PRX: variants seen among roughly 807,000 people sequenced by gnomAD.
The protein encoded by PRX is periaxin.
PRX carries 24 observed loss-of-function variants against 29.6 expected under a neutral mutation model. The ratio of observed to expected loss-of-function variants is 0.81; its 90% CI spans 0.59 to 1.14. The LOEUF (loss-of-function observed/expected upper bound fraction) is 1.14, where lower values mean the gene tolerates loss of function less well. Among genes scored for constraint, PRX ranks in the 50% most tolerant of loss-of-function variants. The probability of loss-of-function intolerance (pLI) is 0.00; values close to 1 mark genes in which losing one functional copy is unlikely to be tolerated. For synonymous variants in PRX, 772 were observed against 831.7 expected, an observed-to-expected ratio of 0.93 and a Z score of 1.24; for missense variants, 1,838 against 1,926.4, an observed-to-expected ratio of 0.95 and a Z score of 0.86.
rs969093458 is a variant in PRX, at chr19:40,398,084, T to C, written c.382-114A>G. On this transcript the variant is annotated intron_variant, in intron 6 of 6. Transcript: ENST00000324001. This position sits in a 1 kb window ranked among gnomAD's most constrained non-coding sequence, Gnocchi z 6.3. ...GGGGGATGTGCTGGGTCAAGTATCT[T>C]GTTCCCCAAACATCATCCCCACTTC... The C allele has an allele frequency of 1.0e-5, 15 of 1,456,426 alleles. No homozygotes were observed. The highest frequency in any genetic ancestry group is 8.6e-5 in the African/African-American group (6 of 69,938). 90.2% of individuals were successfully genotyped at this position (1,456,426 alleles called of 1,614,324 possible).
intron 4 of PRX, chr19:40,407,392 T>G (rs1156774392): frequency 5.8e-6 from 1 of 172,584 alleles, no homozygotes; most frequent in African/African-American, 2.4e-5. Flanking sequence ...AACCTCAACC[T>G]CCTGGGTTCA....
At chr19:40,413,968 G>A (rs907935522), upstream of PRX, among the ~76,000 whole-genome samples, 3 of 152,180 alleles carry the variant, frequency 2.0e-5, no homozygotes, top group Admixed American at 1.3e-4. Flanking sequence ...TTGCTGGGGG[G>A]TTTTGGCCCC....
chr19:40,397,458 A>G lies in PRX; in HGVS notation c.894T>C (p.Pro298=). The G allele has an allele frequency of 6.3e-7, 1 of 1,584,420 alleles. No homozygotes were observed. The highest frequency in any genetic ancestry group is 1.7e-4 in the Middle Eastern group (1 of 6,008). ...GCAGAGTGGGCAGTGAGGGCAAGGCAGGCAGCTCCACCTGGGGGACCTGGA... is the reference window on the plus strand; with the variant it reads ...GCAGAGTGGGCAGTGAGGGCAAGGCGGGCAGCTCCACCTGGGGGACCTGGA... ...VGIQVPQVEL[P]ALPSLPTLPT... The change falls in exon 7 of 7, where the codon CCT becomes CCC. Residue 298 remains proline, a synonymous_variant. Coordinates refer to ENST00000324001, the MANE Select transcript of PRX (RefSeq NM_181882.3).
At position 40,398,665 on chromosome 19, in the gene PRX, C is replaced by T. The variant is rs369268369; in HGVS notation, c.336G>A (p.Val112=). The T allele has an allele frequency of 2.0e-5, 32 of 1,613,830 alleles. No individual in the cohort carries two copies. The highest frequency in any genetic ancestry group is 2.7e-5 in the African/African-American group (2 of 74,932). Residue 112 remains valine (V), a synonymous_variant, in exon 6 of 7, where the codon GTG becomes GTA. Transcript: ENST00000324001. The surrounding 1 kb of genome is among the most constrained non-coding windows in gnomAD (Gnocchi z 6.3). ...TGDLALRPGT[V]SGYEIKGPRA... ...GCGGGCCCTTGATCTCGTAGCCAGA[C>T]ACGGTCCCGGGCCGCAGAGCCAGGT...
At position 40,396,091 on chromosome 19, in the gene PRX, C is replaced by T. The variant is rs760071236; in HGVS notation, c.2261G>A (p.Arg754Gln). Residue 754 changes from arginine to glutamine, a missense_variant, in exon 7 of 7, where the codon CGG (arginine) becomes CAG (glutamine). Physicochemically the swap from Arg to Gln is conservative, Grantham distance 43 (BLOSUM62 1). This residue lies in a region of PRX where 1,143 missense variants were observed against 1,193.0 expected (regional missense o/e 0.96). Coordinates refer to ENST00000324001, the MANE Select transcript of PRX (RefSeq NM_181882.3). ...EVQLPKVSEI[R>Q]LPEMQVPKVP... The stretch of plus-strand genomic sequence containing the variant: ...CTTCGGCACTTGCATTTCCGGCAGC[C>T]GAATCTCTGACACTTTCGGCAGCTG... 50 of 1,614,028 alleles carry T rather than the reference C, an allele frequency of 3.1e-5. No homozygotes were observed. Among genetic ancestry groups the T allele is most frequent in the African/African-American group, 6.7e-5 (5 of 74,910 alleles).
chr19:40,403,587 T>TC lies in PRX; in HGVS notation c.184+118dup, dbSNP rs141109067. ...AGCCCCGCCCCAAGCCCTTAACCCC[T>TC]CCTGGTCGCCGGTCACGCCCCCATC... On this transcript the variant is annotated intron_variant, in intron 5 of 6. Coordinates refer to ENST00000324001, the MANE Select transcript of PRX (RefSeq NM_181882.3). 0.027 allele frequency: 34,129 copies of TC among 1,286,274 alleles called. 893 individuals carry two copies. The highest frequency in any genetic ancestry group is 0.098 in the African/African-American group (6,553 of 67,068). 79.7% of individuals were successfully genotyped at this position (1,286,274 alleles called of 1,614,324 possible).
At position 40,394,208 on chromosome 19, in the gene PRX, C is replaced by A; in HGVS notation, c.4144G>T (p.Gly1382Cys). 1 of 1,597,988 alleles carries A rather than the reference C, an allele frequency of 6.3e-7. No individual in the cohort carries two copies. Among genetic ancestry groups the A allele is most frequent in the Non-Finnish European group, 8.6e-7 (1 of 1,169,432 alleles). Residue 1382 changes from glycine (G) to cysteine (C), a missense_variant, in exon 7 of 7, where the codon GGC becomes TGC. Gly to Cys is a radical substitution (Grantham distance 159, BLOSUM62 -3). This residue lies in a region of PRX where 1,143 missense variants were observed against 1,193.0 expected (regional missense o/e 0.96). Transcript: ENST00000324001. The surrounding 1 kb of genome is among the most constrained non-coding windows in gnomAD (Gnocchi z 5.8). ...GRVRVRLPRV[G>C]LAAPSKASRG... ...GAGGCTTTAGAAGGGGCCGCCAGGCCTACACGTGGCAAGCGGACCCGGACC... is the reference window on the plus strand; with the variant it reads ...GAGGCTTTAGAAGGGGCCGCCAGGCATACACGTGGCAAGCGGACCCGGACC...
chr19:40,410,387 T>G (rs539799203), intron 1 of PRX, among the ~76,000 whole-genome samples: 2 of 152,306 alleles, frequency 1.3e-5, no homozygotes, highest in African/African-American at 4.8e-5. Context: ...ACAATGGCCT[T>G]TCATAGCCCA....
chr19:40,404,260 G>A (rs1056381898), intron 4 of PRX, among the ~76,000 whole-genome samples: 16 of 152,164 alleles, frequency 1.1e-4, no homozygotes, highest in South Asian at 6.2e-4. Context: ...TCCGCGGGCC[G>A]GCTGGCCTCT....
Position 40,398,370 on chromosome 19 carries a change from C to T in PRX, c.381+250G>A. 7.0e-7 allele frequency: 1 copy of T among 1,437,252 alleles called. No individual in the cohort carries two copies. The allele number at this position is 1,437,252 out of a possible 1,614,324, so 89.0% of individuals were successfully genotyped here. A position where few individuals can be genotyped will look rare whatever the true frequency, so the allele number is the denominator to read the frequency against. ...GTTCGAAGTAGCCTGGTTCAGGACC[C>T]CTAGCAAGCCTGGATCCGATGGTGG... On this transcript the variant is annotated intron_variant, in intron 6 of 6. Coordinates refer to ENST00000324001, the MANE Select transcript of PRX (RefSeq NM_181882.3). The surrounding 1 kb of genome is among the most constrained non-coding windows in gnomAD (Gnocchi z 6.3).
chr19:40,397,488 C>T lies in PRX; in HGVS notation c.864G>A (p.Val288=). Residue 288 remains valine (V), a synonymous_variant, in exon 7 of 7, where the codon GTG becomes GTA. Transcript: ENST00000324001. ...GCTCCACCTGGGGGACCTGGATTCC[C>T]ACGGCTGGGGCCTCCACAGCAGGCG... The part of the protein sequence containing the change: ...PAPPAVEAPA[V]GIQVPQVELP... 1 of 1,562,148 alleles carries T rather than the reference C, an allele frequency of 6.4e-7. No homozygotes were observed. The highest frequency in any genetic ancestry group is 8.7e-7 in the Non-Finnish European group (1 of 1,155,644).
intron 4 of PRX, among the ~76,000 whole-genome samples, chr19:40,405,788 G>A (rs964833705): frequency 6.6e-5 from 10 of 151,504 alleles, no homozygotes; most frequent in South Asian, 6.3e-4. Flanking sequence ...ACAGGTGCAC[G>A]CCACCACGCC....
intron 5 of PRX, among the ~76,000 whole-genome samples, chr19:40,401,729 C>G (rs2079495131): frequency 6.6e-6 from 1 of 151,690 alleles, no homozygotes; most frequent in African/African-American, 2.4e-5. Context: ...TAGCTTGTTC[C>G]CTTACCTCCT....
At chr19:40,414,474 C>A (rs1293995164), upstream of PRX, among the ~76,000 whole-genome samples, 1 of 152,146 alleles carries the variant, frequency 6.6e-6, no homozygotes, top group Non-Finnish European at 1.5e-5. Context: ...TGAGGTCCAA[C>A]CCCTGTTCTC....
chr19:40,401,807 G>A lies in PRX; in HGVS notation c.184+1899C>T, dbSNP rs1000026621. 1.3e-4 allele frequency among the ~76,000 whole-genome samples: 17 copies of A among 134,768 alleles called. No homozygotes were observed. In the Admixed American group the frequency reaches 1.3e-3, roughly 10 times the overall value. 88.4% of individuals were successfully genotyped at this position (134,768 alleles called of 152,430 possible). A position where few individuals can be genotyped will look rare whatever the true frequency, so the allele number is the denominator to read the frequency against. ...TTTTTAGGCGGAGTTTTGCTCTTTC[G>A]CCCAGGCTGGAGTGAAGTGGCGCGA... On this transcript the variant is annotated intron_variant, in intron 5 of 6. Coordinates refer to ENST00000324001, the MANE Select transcript of PRX (RefSeq NM_181882.3).
At chr19:40,407,570 G>A (rs1184447521) in intron 4 of PRX, 4 of 460,114 alleles carry the variant, frequency 8.7e-6, no homozygotes, top group African/African-American at 7.9e-5. Context: ...CAAAGTGCTG[G>A]AATTCCAGGC....
chr19:40,403,966 T>C, intron 4 of PRX, 104 bp from the exon 5 acceptor site: 1 of 1,326,358 alleles, frequency 7.5e-7, no homozygotes, highest in Non-Finnish European at 1.0e-6. Context: ...TATGTTTATA[T>C]ATATTTAGAG....
chr19:40,396,574 A>T lies in PRX; in HGVS notation c.1778T>A (p.Met593Lys). Reference sequence around the variant, plus strand: ...AGGGAGTTTCATCTCAGGAAGTTTCATCTCAGGCACCTTTGGAAGCTTCAT... The same window carrying T: ...AGGGAGTTTCATCTCAGGAAGTTTCTTCTCAGGCACCTTTGGAAGCTTCAT... ...PEMKLPKVPEMKLPEMKLPEV... is the reference protein window; with the variant it reads ...PEMKLPKVPEKKLPEMKLPEV... Residue 593 changes from methionine to lysine, a missense_variant, in exon 7 of 7, where the codon ATG becomes AAG. By Grantham distance (95) the Met-to-Lys change is moderately conservative. Transcript: ENST00000324001. The T allele has an allele frequency of 6.2e-7, 1 of 1,612,570 alleles. No homozygotes were observed. The highest frequency in any genetic ancestry group is 8.5e-7 in the Non-Finnish European group (1 of 1,179,734).
rs1180227776 is a variant in PRX at position 40,396,205 on chromosome 19, T to A, written c.2147A>T (p.Glu716Val). The A allele has an allele frequency of 1.2e-6, 2 of 1,611,344 alleles. No homozygotes were observed. Among genetic ancestry groups the A allele is most frequent in the African/African-American group, 2.7e-5 (2 of 73,792 alleles). Residue 716 changes from glutamate (E) to valine (V), a missense_variant, in exon 7 of 7, where the codon GAA (glutamate) becomes GTA (valine). Glu to Val is a moderately radical substitution (Grantham distance 121). Coordinates refer to ENST00000324001, the MANE Select transcript of PRX (RefSeq NM_181882.3). ...GAGCTTCATGTCAGGGACTTTCATTTCACAGACTTTGGGCAGCTGCACCTC... is the reference window on the plus strand; with the variant it reads ...GAGCTTCATGTCAGGGACTTTCATTACACAGACTTTGGGCAGCTGCACCTC... ...LPEVQLPKVC[E>V]MKVPDMKLPE...
Sources: gnomAD v4.1 joint callset for allele counts (sites outside exome capture counted in the v4.1 genomes callset) on GRCh38, gnomAD v4.1.1 for gene constraint, gnomAD v4.1.1 regional missense constraint, Gnocchi (gnomAD v3.1) non-coding constraint, MANE v1.5 for transcripts, NCBI Gene and HGNC (gene_info 2026-07-23, HGNC 2026-07-21) for gene names.